ACAD11: variants seen among roughly 807,000 people sequenced by gnomAD.
ACAD11 encodes the protein acyl-Coenzyme A dehydrogenase family, member 11.
A neutral mutation model predicts 102.2 loss-of-function variants in ACAD11; 83 were observed. That is an observed-to-expected ratio of 0.81 (90% CI 0.68 to 0.97). The LOEUF is 0.97. Ranked by LOEUF, ACAD11 falls within the 50% of genes least tolerant of loss-of-function variation. ACAD11 has a pLI of 0.00. For missense variants in ACAD11, 901 were observed against 951.7 expected (o/e 0.95, Z 0.70); for synonymous variants, 324 against 319.8 (o/e 1.01, Z -0.14).
At chr3:132,563,370 C>A (rs1342599709) in intron 17 of ACAD11, among the ~76,000 whole-genome samples, 1 of 152,128 alleles carries the variant, frequency 6.6e-6, no homozygotes. Context: ...ATTGGAACTG[C>A]CTTAAGTCTG....
rs374147717 is a variant in ACAD11 at position 132,579,690 on chromosome 3, G to C, written c.1622-132C>G. On this transcript the variant is annotated intron_variant, in intron 13 of 19. Transcript: ENST00000264990. ...AGAGAGAACATTCCTGATTCATTAA[G>C]ATAATAATTCTTTTGTAACACTCTA... is the stretch of plus-strand genomic sequence containing the variant. 187 of 660,248 alleles carry C rather than the reference G, an allele frequency of 2.8e-4. No individual in the cohort carries two copies. In the African/African-American group the frequency reaches 3.3e-3, roughly 12 times the overall value. 40.9% of individuals were successfully genotyped at this position (660,248 alleles called of 1,614,324 possible).
chr3:132,610,700 A>T (rs1479819357), intron 11 of ACAD11, among the ~76,000 whole-genome samples: 3 of 152,182 alleles, frequency 2.0e-5, no homozygotes, highest in African/African-American at 7.2e-5. Flanking sequence ...GAATAGACCA[A>T]TAACAGGCTC....
chr3:132,617,208 G>A (rs749295805), intron 11 of ACAD11, among the ~76,000 whole-genome samples: 2 of 151,968 alleles, frequency 1.3e-5, no homozygotes, highest in African/African-American at 2.4e-5. Flanking sequence ...GATAATCAGA[G>A]TAATTTGAAA....
chr3:132,591,040 T>C (rs921967806), intron 13 of ACAD11, among the ~76,000 whole-genome samples: 1 of 152,236 alleles, frequency 6.6e-6, no homozygotes, highest in East Asian at 1.9e-4. Context: ...TTGCTTTTGC[T>C]GTGATTGCCT....
In ACAD11 at chr3:132,595,934, C is replaced by T. The variant is rs1265674179; in HGVS notation, c.1621+7295G>A. Among the ~76,000 whole-genome samples the T allele has an allele frequency of 2.0e-5, 3 of 152,100 alleles. No homozygotes were observed. The East Asian group carries it at 5.8e-4, about 29-fold the overall frequency. On this transcript the variant is annotated intron_variant, in intron 13 of 19. Coordinates refer to ENST00000264990, the MANE Select transcript of ACAD11 (RefSeq NM_032169.5). ...AACAATTCCATTACTGGGTATATACCCAAAGGAATATAAATTATTCTATTA... is the reference window on the plus strand; with the variant it reads ...AACAATTCCATTACTGGGTATATACTCAAAGGAATATAAATTATTCTATTA...
chr3:132,584,581 T>G (rs1937717687), intron 13 of ACAD11, among the ~76,000 whole-genome samples: 2 of 152,210 alleles, frequency 1.3e-5, no homozygotes, highest in Admixed American at 6.5e-5. Flanking sequence ...TATTTTTATG[T>G]GTGAATTTGA....
At chr3:132,575,703 T>A in intron 17 of ACAD11, 69 bp downstream of exon 17, 1 of 1,573,004 alleles carries the variant, frequency 6.4e-7, no homozygotes, top group Non-Finnish European at 8.7e-7. Context: ...CTCTCACAAG[T>A]AATGTTTTTG....
intron 13 of ACAD11, among the ~76,000 whole-genome samples, chr3:132,591,247 T>A (rs1938064008): frequency 6.6e-6 from 1 of 152,214 alleles, no homozygotes; most frequent in African/African-American, 2.4e-5. Context: ...CCCAGCACTA[T>A]CTATAGAATA....
chr3:132,565,868 C>A (rs563592845), intron 17 of ACAD11, among the ~76,000 whole-genome samples: 1 of 152,278 alleles, frequency 6.6e-6, no homozygotes, highest in South Asian at 2.1e-4. Context: ...GAGGTCTCCC[C>A]AGAAATAGAC....
chr3:132,580,286 T>C (rs545502058), intron 13 of ACAD11, among the ~76,000 whole-genome samples: 1 of 152,182 alleles, frequency 6.6e-6, no homozygotes, highest in South Asian at 2.1e-4. Context: ...AGGAATGATG[T>C]CAAATAGTTG....
intron 5 of ACAD11, among the ~76,000 whole-genome samples, chr3:132,637,812 C>T (rs1402589194): frequency 6.6e-6 from 1 of 152,134 alleles, no homozygotes; most frequent in Non-Finnish European, 1.5e-5. Flanking sequence ...TACTGGCTTA[C>T]TCCACACATT....
chr3:132,576,042 G>T, intron 16 of ACAD11, 116 bp from the exon 17 acceptor site: 2 of 1,184,578 alleles, frequency 1.7e-6, no homozygotes, highest in East Asian at 2.5e-5. Context: ...TGGCTTTCTA[G>T]TGAAAAAAAG....
chr3:132,608,076 A>T (rs570355562), intron 11 of ACAD11, among the ~76,000 whole-genome samples: 1 of 152,338 alleles, frequency 6.6e-6, no homozygotes, highest in Non-Finnish European at 1.5e-5. Context: ...AAATGCTGGG[A>T]GACATTTTGT....
chr3:132,578,794 AC>A lies in ACAD11; in HGVS notation c.1774+1del. The A allele has an allele frequency of 2.5e-6, 4 of 1,612,298 alleles. No individual in the cohort carries two copies. The highest frequency in any genetic ancestry group is 3.4e-6 in the Non-Finnish European group (4 of 1,179,208). ...GCATGGTCATATTTATTGGATACCT[AC>A]CTGTGTAGCCAAAAACTGACAAAGG... On this transcript the variant is annotated splice_donor_variant, in intron 15 of 19. Transcript: ENST00000264990. LOFTEE classifies it high-confidence loss of function.
At chr3:132,593,870 G>A (rs1938188212) in intron 13 of ACAD11, among the ~76,000 whole-genome samples, 1 of 152,142 alleles carries the variant, frequency 6.6e-6, no homozygotes, top group South Asian at 2.1e-4. Context: ...CAGTTCTAAG[G>A]AATATGAGAA....
rs75379140 is a variant in ACAD11 at position 132,653,430 on chromosome 3, T to G, written c.149+6173A>C. ...AAAGTCTGCAGAAGGACGTGCACAT[T>G]TCTATCTAAGGGCAACCCCTTCTCT... On this transcript the variant is annotated intron_variant, in intron 1 of 19. Coordinates refer to ENST00000264990, the MANE Select transcript of ACAD11 (RefSeq NM_032169.5). Among the ~76,000 whole-genome samples the G allele has an allele frequency of 3.7e-3, 568 of 152,312 alleles. 28 individuals carry two copies. The East Asian group carries it at 0.1, about 27-fold the overall frequency.
At chr3:132,565,464 G>C (rs1937183708) in intron 17 of ACAD11, among the ~76,000 whole-genome samples, 2 of 152,108 alleles carry the variant, frequency 1.3e-5, no homozygotes, top group African/African-American at 4.8e-5. Context: ...TCCTTTCTCT[G>C]ACAGAATGGT....
intron 7 of ACAD11, among the ~76,000 whole-genome samples, chr3:132,628,661 A>G (rs569919311): frequency 6.6e-6 from 1 of 152,192 alleles, no homozygotes; most frequent in Non-Finnish European, 1.5e-5. Flanking sequence ...TCATCCTAAC[A>G]TAATTCTAAT....
At chr3:132,579,637 C>A (rs1937570576) in intron 13 of ACAD11, 79 bp from the exon 14 acceptor site, 1 of 1,092,520 alleles carries the variant, frequency 9.2e-7, no homozygotes, top group South Asian at 1.3e-5. Flanking sequence ...TCTAATCCTT[C>A]CCACTTTACC....
Sources: allele counts gnomAD v4.1 joint callset (sites outside exome capture counted in the v4.1 genomes callset), GRCh38; gene constraint gnomAD v4.1.1; transcripts MANE v1.5; gene names NCBI Gene and HGNC (gene_info 2026-07-23, HGNC 2026-07-21).